The following RALGPS1 variants were observed in gnomAD, a reference collection of about 807,000 sequenced individuals.
RALGPS1 encodes Ral GEF with PH domain and SH3 binding motif 1.
A neutral mutation model predicts 78.8 loss-of-function variants in RALGPS1; 19 were observed. The observed-to-expected ratio is 0.24, with a 90% CI of 0.17 to 0.35. The LOEUF is 0.35. Among genes scored for constraint, RALGPS1 ranks in the 10% least tolerant of loss-of-function variants. The probability of loss-of-function intolerance (pLI) is 1.00; values close to 1 mark genes in which losing one functional copy is unlikely to be tolerated. For synonymous variants in RALGPS1, 228 were observed against 256.3 expected, an observed-to-expected ratio of 0.89 and a Z score of 1.06; for missense variants, 454 against 688.3, an observed-to-expected ratio of 0.66 and a Z score of 3.81.
intron 8 of RALGPS1, among the ~76,000 whole-genome samples, chr9:127,133,317 G>T (rs905931615): frequency 1.3e-4 from 20 of 152,254 alleles, no homozygotes; most frequent in African/African-American, 4.8e-4. Context: ...AGTGGGTAAA[G>T]AAAGATCCTC....
chr9:126,919,950 G>A (rs763897277), intron 1 of RALGPS1, among the ~76,000 whole-genome samples: 1 of 152,132 alleles, frequency 6.6e-6, no homozygotes, highest in Non-Finnish European at 1.5e-5. Context: ...TGCCTCCTCA[G>A]CTCAAATTTT....
intron 7 of RALGPS1, among the ~76,000 whole-genome samples, chr9:127,066,438 C>T (rs369057123): frequency 6.6e-6 from 1 of 152,084 alleles, no homozygotes. Context: ...ATCAGGAGTT[C>T]GAGACTGGAC....
intron 11 of RALGPS1, chr9:127,178,594 C>A: frequency 3.2e-6 from 2 of 618,240 alleles, no homozygotes; most frequent in Non-Finnish European, 4.0e-6. Context: ...AAGCCTTCTC[C>A]CCACTATCAC....
chr9:127,045,730 TAC>T (rs60442898), intron 5 of RALGPS1, among the ~76,000 whole-genome samples: 65,584 of 140,758 alleles, frequency 0.47, 17,602 homozygotes, highest in East Asian at 0.64. Flanking sequence ...CATGGGTTAG[TAC>T]ACACACACAC....
chr9:126,994,140 A>C (rs2042520725), intron 4 of RALGPS1, among the ~76,000 whole-genome samples: 2 of 152,258 alleles, frequency 1.3e-5, no homozygotes, highest in Non-Finnish European at 2.9e-5. Flanking sequence ...TCTCCAAAGG[A>C]ACACAGCTCC....
chr9:127,204,518 C>T (rs1346863635), intron 14 of RALGPS1, among the ~76,000 whole-genome samples: 2 of 151,946 alleles, frequency 1.3e-5, no homozygotes, highest in East Asian at 1.9e-4. Flanking sequence ...GAAAAGTTTC[C>T]TCAAATGCAG....
intron 8 of RALGPS1, among the ~76,000 whole-genome samples, chr9:127,153,722 G>A (rs930032735): frequency 1.3e-5 from 2 of 152,130 alleles, no homozygotes; most frequent in Admixed American, 6.5e-5. Flanking sequence ...CTGCCACTTC[G>A]GCCTCTGTTC....
chr9:127,197,939 C>G (rs577279769), intron 13 of RALGPS1, among the ~76,000 whole-genome samples: 1 of 152,240 alleles, frequency 6.6e-6, no homozygotes, highest in African/African-American at 2.4e-5. Context: ...TGAGGAATGC[C>G]CTCTGGGAAA....
chr9:126,976,313 T>TCTCACA (rs112367251), intron 3 of RALGPS1, among the ~76,000 whole-genome samples: 54,226 of 150,240 alleles, frequency 0.36, 11,294 homozygotes, highest in Non-Finnish European at 0.45. Flanking sequence ...ACACTCATTC[T>TCTCACA]CACACACACA....
chr9:127,168,670 C>G lies in RALGPS1; in HGVS notation c.749-9C>G. 1.3e-6 allele frequency: 2 copies of G among 1,598,242 alleles called. No individual in the cohort carries two copies. Among genetic ancestry groups the G allele is most frequent in the Non-Finnish European group, 1.7e-6 (2 of 1,165,560 alleles). ...CCTAAAGTTTCTGGATGTGGTCCAC[C>G]TTTTGCAGATCACCTCACCACCCTG... is the stretch of plus-strand genomic sequence containing the variant. On this transcript the variant is annotated splice_polypyrimidine_tract_variant and intron_variant, in intron 9 of 18. Coordinates refer to ENST00000259351, the MANE Select transcript of RALGPS1 (RefSeq NM_014636.3).
chr9:127,217,047 C>A (rs968848034), intron 18 of RALGPS1: 16 of 1,467,400 alleles, frequency 1.1e-5, no homozygotes, highest in Non-Finnish European at 1.4e-5. Flanking sequence ...CAGTGGTAGC[C>A]CTGAGTAAAA....
At chr9:127,104,651 T>A (rs1419081059) in intron 8 of RALGPS1, among the ~76,000 whole-genome samples, 1 of 152,182 alleles carries the variant, frequency 6.6e-6, no homozygotes, top group East Asian at 1.9e-4. Flanking sequence ...ACCACCCTGT[T>A]ACTGTCTCAG....
chr9:126,952,864 G>A (rs1033972706), intron 1 of RALGPS1, among the ~76,000 whole-genome samples: 2 of 152,114 alleles, frequency 1.3e-5, no homozygotes, highest in African/African-American at 4.8e-5. Flanking sequence ...AGGAAGAGGC[G>A]GCTGCGGAGT....
At chr9:126,973,341 A>G (rs1456791539) in intron 3 of RALGPS1, among the ~76,000 whole-genome samples, 1 of 152,218 alleles carries the variant, frequency 6.6e-6, no homozygotes, top group East Asian at 1.9e-4. Flanking sequence ...ACTGCATTCA[A>G]GCCTGGACAA....
At chr9:127,017,000 A>T (rs989551958) in intron 4 of RALGPS1, 1 of 152,198 alleles carries the variant, frequency 6.6e-6, no homozygotes, top group Non-Finnish European at 1.5e-5. Flanking sequence ...TCAAATTGAG[A>T]TGTTCTGTAA....
chr9:127,120,412 C>G (rs187194673), intron 8 of RALGPS1, among the ~76,000 whole-genome samples: 2 of 152,332 alleles, frequency 1.3e-5, no homozygotes, highest in East Asian at 3.9e-4. Flanking sequence ...TAAAGCCCCC[C>G]TCTCCTCAGG....
At chr9:126,993,967 C>T (rs2042505201) in intron 4 of RALGPS1, among the ~76,000 whole-genome samples, 1 of 152,146 alleles carries the variant, frequency 6.6e-6, no homozygotes, top group African/African-American at 2.4e-5. Context: ...AGCTGAGGGT[C>T]CTGTCTGTTA....
intron 4 of RALGPS1, among the ~76,000 whole-genome samples, chr9:127,015,495 T>C (rs1008364686): frequency 1.3e-5 from 2 of 152,190 alleles, no homozygotes; most frequent in Non-Finnish European, 2.9e-5. Context: ...GAACAGATCT[T>C]GAAGGACTCT....
chr9:127,074,074 G>T (rs2050467451), intron 8 of RALGPS1, among the ~76,000 whole-genome samples: 1 of 152,084 alleles, frequency 6.6e-6, no homozygotes, highest in African/African-American at 2.4e-5. Flanking sequence ...TAGAGACGGG[G>T]TTTCACCATG....
Sources: allele counts gnomAD v4.1 joint callset (sites outside exome capture counted in the v4.1 genomes callset), GRCh38; gene constraint gnomAD v4.1.1; transcripts MANE v1.5; gene names NCBI Gene and HGNC (gene_info 2026-07-23, HGNC 2026-07-21).